Variants in CXADR observed in about 807,000 individuals in gnomAD.
CXADR encodes CXADR cell adhesion molecule, also known as coxsackievirus and adenovirus receptor.
A neutral mutation model predicts 40.3 loss-of-function variants in CXADR; 20 were observed. The observed-to-expected ratio is 0.50, with a 90% CI of 0.35 to 0.72. The LOEUF (loss-of-function observed/expected upper bound fraction) is 0.72. CXADR is among the 30% of genes least tolerant of loss of function. CXADR has a pLI of 0.01. For synonymous variants in CXADR, 150 were observed against 161.3 expected (o/e 0.93, Z 0.53); for missense variants, 332 against 449.1 (o/e 0.74, Z 2.36).
chr21:17,586,905 C>T (rs944968133), intron 7 of CXADR, among the ~76,000 whole-genome samples: 13 of 152,096 alleles, frequency 8.5e-5, no homozygotes, highest in African/African-American at 3.1e-4. Flanking sequence ...CACCCCACAA[C>T]AGTCCCTGGT....
chr21:17,513,192 T>C lies in CXADR; in HGVS notation c.43+20T>C, dbSNP rs985042532. ...TAGTGGGTGAGTAGGGGCCATGGGG[T>C]CCTCAGCACCCGCCCAGCCCGGGGG... is the stretch of plus-strand genomic sequence containing the variant. On this transcript the variant is annotated intron_variant, in intron 1 of 6. Coordinates refer to ENST00000284878, the MANE Select transcript of CXADR (RefSeq NM_001338.5). 7.4e-6 allele frequency: 10 copies of C among 1,357,166 alleles called. No individual in the cohort carries two copies. The highest frequency in any genetic ancestry group is 9.5e-6 in the Non-Finnish European group (10 of 1,051,666). 84.1% of individuals were successfully genotyped at this position (1,357,166 alleles called of 1,614,324 possible).
chr21:17,583,490 C>T (rs1387332500), intron 7 of CXADR, among the ~76,000 whole-genome samples: 1 of 152,132 alleles, frequency 6.6e-6, no homozygotes, highest in Non-Finnish European at 1.5e-5. Flanking sequence ...TTCAGATTTT[C>T]TCCAACATAT....
intron 7 of CXADR, among the ~76,000 whole-genome samples, chr21:17,584,767 G>A (rs906305759): frequency 2.0e-5 from 3 of 152,262 alleles, no homozygotes; most frequent in African/African-American, 7.2e-5. Context: ...GGAGGCGGAG[G>A]TTGCAGTGAG....
At chr21:17,608,907 T>C in the CXADR span, 2 of 1,491,272 alleles carry the variant, frequency 1.3e-6, no homozygotes, top group Non-Finnish European at 1.8e-6. Flanking sequence ...CACCCTTCAA[T>C]CATCCGGCCT....
At chr21:17,612,347 C>T in the CXADR span, 1 of 152,236 alleles carries the variant, frequency 6.6e-6, no homozygotes, top group African/African-American at 2.4e-5. Context: ...AGAAAAAACA[C>T]CGACGCGAAG....
downstream of CXADR, among the ~76,000 whole-genome samples, chr21:17,572,353 CAG>C (rs1470305704): frequency 1.3e-5 from 2 of 150,396 alleles, no homozygotes; most frequent in Non-Finnish European, 2.9e-5. Context: ...GCCTGGGTGA[CAG>C]GGTGAGACTC....
rs35020228 is a variant in CXADR, at chr21:17,563,940, C to CAAAAAAAAAA, written c.834-1476_834-1467dup. Among the ~76,000 whole-genome samples the CAAAAAAAAAA allele has an allele frequency of 6.2e-4, 23 of 37,198 alleles. 1 individual carries two copies. The highest frequency in any genetic ancestry group is 1.1e-3 in the African/African-American group (15 of 13,060). 24.4% of individuals were successfully genotyped at this position (37,198 alleles called of 152,430 possible). A position where few individuals can be genotyped will look rare whatever the true frequency, so the allele number is the denominator to read the frequency against. On this transcript the variant is annotated intron_variant, in intron 6 of 6. Coordinates refer to ENST00000284878, the MANE Select transcript of CXADR (RefSeq NM_001338.5). Reference sequence around the variant, plus strand: ...TGGGCAACAGAGCAAGACTCTGTCTCAAAAAAAAAAAAAAAAAAAAAGGTA... The same window carrying CAAAAAAAAAA: ...TGGGCAACAGAGCAAGACTCTGTCTCAAAAAAAAAAAAAAAAAAAAAAAAAAAAAAAGGTA...
At chr21:17,524,784 C>T (rs1295798479) in intron 1 of CXADR, among the ~76,000 whole-genome samples, 1 of 151,534 alleles carries the variant, frequency 6.6e-6, no homozygotes, top group Admixed American at 6.6e-5. Flanking sequence ...TGGCACGTTC[C>T]TGTAGTCCCA....
Position 17,536,312 on chromosome 21 carries a change from A to G in CXADR, c.44-10715A>G, listed in dbSNP as rs143240533. Among the ~76,000 whole-genome samples, 1,024 of 152,296 alleles carry G rather than the reference A, an allele frequency of 6.7e-3. 13 individuals are homozygous for G. Among genetic ancestry groups the G allele is most frequent in the African/African-American group, 0.024 (981 of 41,558 alleles). ...TCAGATTTGCTAACATTTCTCATCA[A>G]AAAATAAGTATCCTGTCTTTCCTTC... is the stretch of plus-strand genomic sequence containing the variant. On this transcript the variant is annotated intron_variant, in intron 1 of 6. Transcript: ENST00000284878.
intron 7 of CXADR, among the ~76,000 whole-genome samples, chr21:17,581,154 A>T (rs763106133): frequency 6.6e-6 from 1 of 152,204 alleles, no homozygotes; most frequent in African/African-American, 2.4e-5. Flanking sequence ...CCAAAACTGT[A>T]TAGTGTTACA....
chr21:17,542,565 A>T (rs1011498594), intron 1 of CXADR, among the ~76,000 whole-genome samples: 3 of 152,234 alleles, frequency 2.0e-5, no homozygotes, highest in Non-Finnish European at 4.4e-5. Flanking sequence ...AAGCAAGCAG[A>T]AAACTGGGAA....
At chr21:17,522,697 G>T (rs2060547344) in intron 1 of CXADR, among the ~76,000 whole-genome samples, 1 of 152,138 alleles carries the variant, frequency 6.6e-6, no homozygotes, top group Admixed American at 6.5e-5. Flanking sequence ...CTGCTCTTGA[G>T]CTATTCCTCA....
intron 6 of CXADR, among the ~76,000 whole-genome samples, chr21:17,561,910 A>T (rs1425446572): frequency 6.6e-6 from 1 of 152,348 alleles, no homozygotes; most frequent in East Asian, 1.9e-4. Context: ...AGAAGTGTGC[A>T]TATTAGATAA....
At chr21:17,615,724 G>C in the CXADR span, among the ~76,000 whole-genome samples, 2 of 152,078 alleles carry the variant, frequency 1.3e-5, no homozygotes, top group African/African-American at 4.8e-5. Flanking sequence ...GTGTGTTAAT[G>C]GTGTAGTTTG....
the CXADR span, among the ~76,000 whole-genome samples, chr21:17,606,816 G>GT: frequency 6.6e-6 from 1 of 152,100 alleles, no homozygotes; most frequent in Non-Finnish European, 1.5e-5. Context: ...ATTACAAAGT[G>GT]TAAGAGACAT....
chr21:17,547,118 T>C lies in CXADR; in HGVS notation c.135T>C (p.Leu45=), dbSNP rs1330976104. ...ETAYLPCKFT[L]SPEDQGPLDI... is the part of the protein sequence containing the mutation. ...CCTATCTGCCATGCAAATTTACGCT[T>C]AGTCCCGAAGACCAGGGACCGCTGG... The change falls in exon 2 of 7, where the codon CTT becomes CTC. Residue 45 remains leucine, a synonymous_variant. Transcript: ENST00000284878. 1 of 1,614,062 alleles carries C rather than the reference T, an allele frequency of 6.2e-7. No homozygotes were observed. The highest frequency in any genetic ancestry group is 8.5e-7 in the Non-Finnish European group (1 of 1,180,032).
chr21:17,526,831 GTTTTGT>G (rs547584948), intron 1 of CXADR, among the ~76,000 whole-genome samples: 291 of 152,126 alleles, frequency 1.9e-3, no homozygotes, highest in African/African-American at 6.7e-3. Context: ...GGGTTTTGGT[GTTTTGT>G]TTTTGTTTTT....
chr21:17,536,358 C>G (rs976574815), intron 1 of CXADR, among the ~76,000 whole-genome samples: 1 of 152,174 alleles, frequency 6.6e-6, no homozygotes, highest in Non-Finnish European at 1.5e-5. Context: ...TGACCAGGCT[C>G]GCTCAATTCC....
At chr21:17,576,353 C>A (rs776200346) in intron 7 of CXADR, among the ~76,000 whole-genome samples, 17 of 152,240 alleles carry the variant, frequency 1.1e-4, no homozygotes, top group African/African-American at 1.9e-4. Flanking sequence ...CTTAACCTCT[C>A]CATACTCCTT....
Sources: gnomAD v4.1 joint callset for allele counts (sites outside exome capture counted in the v4.1 genomes callset) on GRCh38, gnomAD v4.1.1 for gene constraint, MANE v1.5 for transcripts, NCBI Gene and HGNC (gene_info 2026-07-23, HGNC 2026-07-21) for gene names.